Variants in BAZ2A observed in about 807,000 individuals in gnomAD.
BAZ2A encodes bromodomain adjacent to zinc finger domain protein 2A.
In BAZ2A, 34 loss-of-function variants were observed where a neutral mutation model predicts 199.9. The ratio of observed to expected loss-of-function variants is 0.17; its 90% confidence interval spans 0.13 to 0.23. BAZ2A has a LOEUF of 0.23. Among genes scored for constraint, BAZ2A ranks in the 10% least tolerant of loss-of-function variants. The pLI is 1.00. For missense variants in BAZ2A, 2,002 were observed against 2,391.1 expected (o/e 0.84, Z 3.39); for synonymous variants, 857 against 883.9 (o/e 0.97, Z 0.54).
At chr12:56,604,832 G>T in intron 14 of BAZ2A, 33 bp from the exon 15 acceptor site, 1 of 1,599,044 alleles carries the variant, frequency 6.3e-7, no homozygotes, top group South Asian at 1.1e-5. Context: ...GGGGTGAGTA[G>T]GGAAAGATGC....
chr12:56,616,846 C>T (rs1950739302), intron 2 of BAZ2A, among the ~76,000 whole-genome samples: 1 of 152,096 alleles, frequency 6.6e-6, no homozygotes, highest in Admixed American at 6.5e-5. Context: ...AAGCCAAATC[C>T]AGGAAAAGAC....
intron 10 of BAZ2A, among the ~76,000 whole-genome samples, chr12:56,609,246 T>G (rs978716679): frequency 2.6e-5 from 4 of 151,764 alleles, no homozygotes; most frequent in Non-Finnish European, 5.9e-5. Context: ...CAACTGAAGT[T>G]TACTGTAGCC....
intron 1 of BAZ2A, among the ~76,000 whole-genome samples, chr12:56,622,323 G>A (rs1161921948): frequency 6.6e-6 from 1 of 151,734 alleles, no homozygotes; most frequent in African/African-American, 2.4e-5. Context: ...CTGGGTGACA[G>A]AGCAACACTC....
chr12:56,607,325 T>C (rs1013825266), intron 10 of BAZ2A, among the ~76,000 whole-genome samples: 1 of 152,254 alleles, frequency 6.6e-6, no homozygotes, highest in Non-Finnish European at 1.5e-5. Context: ...AGTATAATTC[T>C]GCAAACAAGA....
chr12:56,634,837 G>A (rs769393797), upstream of BAZ2A: 2 of 895,726 alleles, frequency 2.2e-6, no homozygotes, highest in East Asian at 1.2e-4. Context: ...GCTCCCTCAG[G>A]GGGAGAGTCA....
upstream of BAZ2A, chr12:56,635,054 G>A (rs1293131208): frequency 8.1e-6 from 8 of 984,526 alleles, no homozygotes; most frequent in Non-Finnish European, 3.6e-6. This position sits in a 1 kb window ranked among gnomAD's most constrained non-coding sequence, Gnocchi z 4.1. Flanking sequence ...GGCGGCGGAG[G>A]GGAGGAGGTG....
At chr12:56,607,318 A>G (rs142938317) in intron 10 of BAZ2A, among the ~76,000 whole-genome samples, 21 of 152,374 alleles carry the variant, frequency 1.4e-4, no homozygotes, top group Admixed American at 1.4e-3. Context: ...TTGTGGAAGT[A>G]TAATTCTGCA....
chr12:56,637,715 CA>C (rs1029566972), upstream of BAZ2A, among the ~76,000 whole-genome samples: 1 of 144,610 alleles, frequency 6.9e-6, no homozygotes, highest in Non-Finnish European at 1.5e-5. Context: ...ATATGCCCTT[CA>C]AAAAAGTCCT....
chr12:56,601,584 G>C lies in BAZ2A; in HGVS notation c.4033C>G (p.Pro1345Ala). Residue 1345 changes from proline to alanine, a missense_variant, in exon 20 of 29, where the codon CCC becomes GCC. By Grantham distance (27) the Pro-to-Ala change is conservative (BLOSUM62 -1). This residue lies in a region of BAZ2A where 1,081 missense variants were observed against 1,274.7 expected (regional missense o/e 0.85). Transcript: ENST00000549884. ...TPPPAVSEDQ[P>A]TPSPQQLASS... ...GCAAGCTGCTGAGGGGAGGGAGTGGGTTGGTCCTCAGAAACTGCAGGGGGC... is the reference window on the plus strand; with the variant it reads ...GCAAGCTGCTGAGGGGAGGGAGTGGCTTGGTCCTCAGAAACTGCAGGGGGC... The C allele has an allele frequency of 1.2e-6, 2 of 1,613,730 alleles. No individual in the cohort carries two copies. The highest frequency in any genetic ancestry group is 1.7e-6 in the Non-Finnish European group (2 of 1,179,882).
chr12:56,595,812 G>A lies in BAZ2A; in HGVS notation c.*2806C>T, dbSNP rs1885731940. 6.6e-6 allele frequency: 1 copy of A among 152,570 alleles called. No homozygotes were observed. The highest frequency in any genetic ancestry group is 6.6e-5 in the Admixed American group (1 of 15,266). 9.5% of individuals were successfully genotyped at this position (152,570 alleles called of 1,614,324 possible). A position where few individuals can be genotyped will look rare whatever the true frequency, so the allele number is the denominator to read the frequency against. On this transcript the variant is annotated 3_prime_UTR_variant, in exon 29 of 29. Coordinates refer to ENST00000549884, the MANE Select transcript of BAZ2A (RefSeq NM_001300905.2). ...CCCTTTCCATCCACACAGAGGGTATGGAACAGGAGCCCCTGTTGTTCCCTT... is the reference window on the plus strand; with the variant it reads ...CCCTTTCCATCCACACAGAGGGTATAGAACAGGAGCCCCTGTTGTTCCCTT...
rs1001275645 is a variant in BAZ2A, at chr12:56,630,242, G to A, written c.-120C>T. The A allele has an allele frequency of 2.0e-6, 2 of 983,562 alleles. No individual in the cohort carries two copies. The highest frequency in any genetic ancestry group is 2.4e-6 in the Non-Finnish European group (2 of 828,268). The allele number at this position is 983,562 out of a possible 1,614,324, so 60.9% of individuals were successfully genotyped here. On this transcript the variant is annotated 5_prime_UTR_variant, in exon 1 of 29. Coordinates refer to ENST00000549884, the MANE Select transcript of BAZ2A (RefSeq NM_001300905.2). ...GAGACGCCCGCTGGGGAGGGGGTCTGGGGTCCGGGGTTCGGGAAGGGGGAG... is the reference window on the plus strand; with the variant it reads ...GAGACGCCCGCTGGGGAGGGGGTCTAGGGTCCGGGGTTCGGGAAGGGGGAG...
intron 26 of BAZ2A, 61 bp downstream of exon 26, chr12:56,599,641 G>T: frequency 6.2e-7 from 1 of 1,607,852 alleles, no homozygotes. Context: ...AAGGAGAGGA[G>T]AGATTGAGGA....
In BAZ2A at chr12:56,600,323, G is replaced by A. The variant is rs1886323752; in HGVS notation, c.4770C>T (p.Ala1590=). The A allele has an allele frequency of 1.9e-6, 3 of 1,613,952 alleles. No homozygotes were observed. The highest frequency in any genetic ancestry group is 2.5e-6 in the Non-Finnish European group (3 of 1,179,886). Residue 1590 remains alanine, a synonymous_variant, in exon 24 of 29, where the codon GCC becomes GCT. Coordinates refer to ENST00000549884, the MANE Select transcript of BAZ2A (RefSeq NM_001300905.2). ...PLDLAVMRLA[A]LEQNVERRYL... The stretch of plus-strand genomic sequence containing the variant: ...ACCGCCGTTCTACATTCTGTTCCAG[G>A]GCAGCCAGCCGCATCACAGCCAGGT...
At chr12:56,610,579 TAAGCGCG>T in intron 7 of BAZ2A, 62 bp from the exon 8 acceptor site, 1 of 1,488,190 alleles carries the variant, frequency 6.7e-7, no homozygotes, top group Non-Finnish European at 9.2e-7. Flanking sequence ...CCATGCCACC[TAAGCGCG>T]AAGCCCTCTG....
Position 56,595,953 on chromosome 12 carries a change from T to A in BAZ2A, c.*2665A>T, listed in dbSNP as rs1174948119. Reference sequence around the variant, plus strand: ...AATCTCTATCAAATGTGGTTTTTTTTATTCAACAACTGACAAGCACTTTTC... The same window carrying A: ...AATCTCTATCAAATGTGGTTTTTTTAATTCAACAACTGACAAGCACTTTTC... On this transcript the variant is annotated 3_prime_UTR_variant, in exon 29 of 29. Coordinates refer to ENST00000549884, the MANE Select transcript of BAZ2A (RefSeq NM_001300905.2). 2.7e-5 allele frequency: 4 copies of A among 149,618 alleles called. No homozygotes were observed. The highest frequency in any genetic ancestry group is 4.0e-4 in the East Asian group (2 of 5,060). The allele number at this position is 149,618 out of a possible 1,614,324, so 9.3% of individuals were successfully genotyped here.
In BAZ2A at chr12:56,599,269, A is replaced by T; in HGVS notation, c.5262T>A (p.Gly1754=). The T allele has an allele frequency of 6.2e-7, 1 of 1,613,316 alleles. No homozygotes were observed. The highest frequency in any genetic ancestry group is 8.5e-7 in the Non-Finnish European group (1 of 1,179,766). ...KSGYSLNFSE[G]DGRRRRVLLR... is the part of the protein sequence containing the mutation. ...ACAGTACCCGGCGTCGGCGGCCATC[A>T]CCCTCTGAGAAGTTCAGCGAATAAC... The change falls in exon 27 of 29, where the codon GGT becomes GGA. Residue 1754 remains glycine, a synonymous_variant. Coordinates refer to ENST00000549884, the MANE Select transcript of BAZ2A (RefSeq NM_001300905.2).
At chr12:56,613,547 C>G (rs1172135964) in intron 4 of BAZ2A, among the ~76,000 whole-genome samples, 3 of 152,182 alleles carry the variant, frequency 2.0e-5, no homozygotes, top group Non-Finnish European at 4.4e-5. Flanking sequence ...GTGGTATTAT[C>G]TACCCAGAGA....
intron 1 of BAZ2A, among the ~76,000 whole-genome samples, chr12:56,625,445 G>A (rs906193012): frequency 2.0e-5 from 3 of 151,816 alleles, no homozygotes; most frequent in African/African-American, 4.8e-5. Flanking sequence ...CTGAGCCACC[G>A]TGCCCAGCCA....
In BAZ2A at chr12:56,605,285, T is replaced by G; in HGVS notation, c.2536A>C (p.Ser846Arg). 1 of 1,613,690 alleles carries G rather than the reference T, an allele frequency of 6.2e-7. No individual in the cohort carries two copies. Among genetic ancestry groups the G allele is most frequent in the South Asian group, 1.1e-5 (1 of 91,058 alleles). ...FSRVPGLTLPSGAFSDCLTIV... is the reference protein window; with the variant it reads ...FSRVPGLTLPRGAFSDCLTIV... ...GTCAAGCAGTCTGAGAAGGCTCCAC[T>G]GGGCAATGTCAGACCAGGGACTCGT... The change falls in exon 14 of 29, where the codon AGT becomes CGT. Residue 846 changes from serine to arginine, a missense_variant. Transcript: ENST00000549884.
Sources: gnomAD v4.1 joint callset for allele counts (sites outside exome capture counted in the v4.1 genomes callset) on GRCh38, gnomAD v4.1.1 for gene constraint, gnomAD v4.1.1 regional missense constraint, Gnocchi (gnomAD v3.1) non-coding constraint, MANE v1.5 for transcripts, NCBI Gene and HGNC (gene_info 2026-07-23, HGNC 2026-07-21) for gene names.